The following CCDC138 variants were observed in gnomAD, a reference collection of about 807,000 sequenced individuals.
CCDC138 encodes coiled-coil domain containing 138.
CCDC138 carries 66 observed loss-of-function variants against 82.3 expected under a neutral mutation model. The observed-to-expected ratio is 0.80, with a 90% CI of 0.66 to 0.98. CCDC138 has a LOEUF of 0.98. Among genes scored for constraint, CCDC138 ranks in the 50% least tolerant of loss-of-function variants. The pLI is 0.00. For synonymous variants in CCDC138, 297 were observed against 265.4 expected, an observed-to-expected ratio of 1.12 and a Z score of -1.16; for missense variants, 816 against 758.9, an observed-to-expected ratio of 1.08 and a Z score of -0.88.
chr2:108,865,552 C>T (rs964437473), intron 13 of CCDC138, among the ~76,000 whole-genome samples: 1 of 152,220 alleles, frequency 6.6e-6, no homozygotes, highest in Non-Finnish European at 1.5e-5. Context: ...GGAGAAGACC[C>T]TCACCAATCA....
chr2:108,832,989 C>T (rs529401431), intron 10 of CCDC138, among the ~76,000 whole-genome samples: 1 of 152,274 alleles, frequency 6.6e-6, no homozygotes, highest in South Asian at 2.1e-4. Flanking sequence ...ACCTTAAATG[C>T]ACATTGCTCA....
intron 12 of CCDC138, among the ~76,000 whole-genome samples, chr2:108,849,229 A>T (rs1372772707): frequency 6.6e-6 from 1 of 152,214 alleles, no homozygotes; most frequent in Non-Finnish European, 1.5e-5. Flanking sequence ...GAGTTTTGAG[A>T]CAAAATCATA....
At chr2:108,812,587 G>A (rs761200045) in intron 7 of CCDC138, 44 bp from the exon 8 acceptor site, 8 of 1,428,962 alleles carry the variant, frequency 5.6e-6, no homozygotes, top group Admixed American at 1.7e-5. Context: ...TATGAAACCA[G>A]TTGAAGGTGT....
At chr2:108,807,687 G>A (rs749926040) in intron 7 of CCDC138, among the ~76,000 whole-genome samples, 12 of 151,912 alleles carry the variant, frequency 7.9e-5, no homozygotes, top group Non-Finnish European at 1.6e-4. Flanking sequence ...GCATGATCTC[G>A]GCTCACTGCA....
In CCDC138 at chr2:108,794,562, C is replaced by T; in HGVS notation, c.417C>T (p.Thr139=). The change falls in exon 5 of 15, where the codon ACC becomes ACT. Residue 139 remains threonine (T), a synonymous_variant. Coordinates refer to ENST00000295124, the MANE Select transcript of CCDC138 (RefSeq NM_144978.3). ...IEKVALPTNT[T]SSRPRTECCS... is the part of the protein sequence containing the mutation. ...CAGTTGCCTTGCCAACTAATACGACCTCATCGAGACCTCGGACTGAGTGTT... is the reference window on the plus strand; with the variant it reads ...CAGTTGCCTTGCCAACTAATACGACTTCATCGAGACCTCGGACTGAGTGTT... 6.2e-7 allele frequency: 1 copy of T among 1,610,798 alleles called. No individual in the cohort carries two copies. The highest frequency in any genetic ancestry group is 8.5e-7 in the Non-Finnish European group (1 of 1,178,648).
chr2:108,818,227 A>G (rs983972537), intron 10 of CCDC138, among the ~76,000 whole-genome samples: 7 of 151,980 alleles, frequency 4.6e-5, no homozygotes, highest in African/African-American at 1.7e-4. Flanking sequence ...GATCACCTGA[A>G]CCTGGGGGGG....
At chr2:108,823,700 G>A (rs1440992702) in intron 10 of CCDC138, among the ~76,000 whole-genome samples, 1 of 152,194 alleles carries the variant, frequency 6.6e-6, no homozygotes, top group African/African-American at 2.4e-5. Context: ...GTGCACCTGG[G>A]CCAGGCTCAG....
rs70956282 is a variant in CCDC138 at position 108,860,935 on chromosome 2, CTTTTTTT to C, written c.1693+3982_1693+3988del. ...GGCTGTGAATCCATCTGGTCCAGGACTTTTTTTTTTTTTTTTTTTTTTTGGTTGGTAA... is the reference window on the plus strand; with the variant it reads ...GGCTGTGAATCCATCTGGTCCAGGACTTTTTTTTTTTTTTTTGGTTGGTAA... On this transcript the variant is annotated intron_variant, in intron 13 of 14. Transcript: ENST00000295124. Among the ~76,000 whole-genome samples, 35 of 37,916 alleles carry C rather than the reference CTTTTTTT, an allele frequency of 9.2e-4. 1 individual carries two copies. The highest frequency in any genetic ancestry group is 1.1e-3 in the African/African-American group (10 of 9,258). The allele number at this position is 37,916 out of a possible 152,430, so 24.9% of individuals were successfully genotyped here. A position where few individuals can be genotyped will look rare whatever the true frequency, so the allele number is the denominator to read the frequency against.
chr2:108,789,098 C>A, intron 3 of CCDC138, 132 bp downstream of exon 3: 1 of 722,984 alleles, frequency 1.4e-6, no homozygotes, highest in Non-Finnish European at 2.2e-6. Context: ...CAGTCTGGAG[C>A]CTGCTAAATA....
At chr2:108,794,243 GT>G (rs1268856599) in intron 4 of CCDC138, among the ~76,000 whole-genome samples, 1 of 152,020 alleles carries the variant, frequency 6.6e-6, no homozygotes, top group East Asian at 1.9e-4. Context: ...GGCTTTTAAG[GT>G]TGCTTTCCAT....
At chr2:108,836,711 A>G (rs888621508) in intron 10 of CCDC138, among the ~76,000 whole-genome samples, 1 of 152,024 alleles carries the variant, frequency 6.6e-6, no homozygotes, top group Non-Finnish European at 1.5e-5. Context: ...ATTTCATTCT[A>G]TTTATTTGTG....
intron 3 of CCDC138, 22 bp downstream of exon 3, chr2:108,788,988 C>T (rs767999861): frequency 6.2e-7 from 1 of 1,612,864 alleles, no homozygotes; most frequent in Non-Finnish European, 8.5e-7. Flanking sequence ...TGAAACTTTA[C>T]TGTTGCTACC....
intron 5 of CCDC138, among the ~76,000 whole-genome samples, chr2:108,797,953 C>T (rs952257692): frequency 3.3e-5 from 4 of 123,016 alleles, no homozygotes; most frequent in Non-Finnish European, 5.0e-5. Flanking sequence ...CCACTTTTCA[C>T]GGTGTGTGAT....
At chr2:108,796,388 T>C (rs546077936) in intron 5 of CCDC138, among the ~76,000 whole-genome samples, 180 of 152,310 alleles carry the variant, frequency 1.2e-3, no homozygotes, top group African/African-American at 4.0e-3. Flanking sequence ...CTTTAAAATT[T>C]ACTTTGTAAG....
intron 2 of CCDC138, among the ~76,000 whole-genome samples, chr2:108,788,359 GCAGT>G (rs1367319200): frequency 6.6e-6 from 1 of 151,560 alleles, no homozygotes; most frequent in East Asian, 1.9e-4. Flanking sequence ...GGCAGAGGTT[GCAGT>G]GAGCCGAGAT....
chr2:108,851,826 CCT>C (rs1491547042), intron 12 of CCDC138, among the ~76,000 whole-genome samples: 2 of 152,092 alleles, frequency 1.3e-5, no homozygotes, highest in Non-Finnish European at 2.9e-5. Flanking sequence ...GAGACGAAAA[CCT>C]ATATATATAT....
intron 13 of CCDC138, among the ~76,000 whole-genome samples, chr2:108,872,624 G>A (rs1695448482): frequency 6.6e-6 from 1 of 152,062 alleles, no homozygotes; most frequent in South Asian, 2.1e-4. Context: ...ATCTTGCGAG[G>A]GCTTCTTGTT....
intron 3 of CCDC138, chr2:108,791,454 A>T (rs1679886262): frequency 1.9e-6 from 1 of 528,576 alleles, no homozygotes; most frequent in South Asian, 1.7e-5. Flanking sequence ...TTTTAAATTA[A>T]GTCTATTTAA....
chr2:108,822,289 A>G (rs1365492397), intron 10 of CCDC138, among the ~76,000 whole-genome samples: 1 of 152,232 alleles, frequency 6.6e-6, no homozygotes, highest in African/African-American at 2.4e-5. Flanking sequence ...CTGAAACATC[A>G]GACTTCTAAA....
Sources: allele counts gnomAD v4.1 joint callset (sites outside exome capture counted in the v4.1 genomes callset), GRCh38; gene constraint gnomAD v4.1.1; transcripts MANE v1.5; gene names NCBI Gene and HGNC (gene_info 2026-07-23, HGNC 2026-07-21).